The following CDH2 variants were observed in gnomAD, a reference collection of about 807,000 sequenced individuals.
The protein encoded by CDH2 is cadherin 2, also known as cadherin-2.
CDH2 carries 17 observed loss-of-function variants against 92.0 expected under a neutral mutation model. The ratio of observed to expected loss-of-function variants is 0.18; its 90% CI spans 0.13 to 0.28. The LOEUF (loss-of-function observed/expected upper bound fraction) is 0.28, where lower values mean the gene tolerates loss of function less well. CDH2 is among the 10% of genes least tolerant of loss of function. The pLI is 1.00. For synonymous variants in CDH2, 419 were observed against 415.9 expected (o/e 1.01, Z -0.09); for missense variants, 862 against 1,133.1 (o/e 0.76, Z 3.44).
chr18:28,150,141 G>T (rs1012817585), intron 1 of CDH2, among the ~76,000 whole-genome samples: 1 of 152,188 alleles, frequency 6.6e-6, no homozygotes, highest in South Asian at 2.1e-4. Context: ...CCACCAACAT[G>T]TTACGAGTCT....
chr18:27,998,808 CAG>C (rs2012670643), intron 7 of CDH2, among the ~76,000 whole-genome samples: 1 of 152,112 alleles, frequency 6.6e-6, no homozygotes, highest in Non-Finnish European at 1.5e-5. Flanking sequence ...TTAGTAGAGA[CAG>C]GGTTTCGCCA....
At position 28,171,716 on chromosome 18, in the gene CDH2, T is replaced by G. The variant is rs527369135; in HGVS notation, c.60+5247A>C. On this transcript the variant is annotated intron_variant, in intron 1 of 15. Coordinates refer to ENST00000269141, the MANE Select transcript of CDH2 (RefSeq NM_001792.5). The stretch of plus-strand genomic sequence containing the variant: ...CCACAACCTTCGAAAAGGAGATGTG[T>G]TTGAGATATTTTTTAAGTAGCCCCA... 5.1e-4 allele frequency among the ~76,000 whole-genome samples: 77 copies of G among 152,214 alleles called. 1 individual carries two copies. The highest frequency in any genetic ancestry group is 9.9e-4 in the Non-Finnish European group (67 of 68,012).
chr18:28,107,405 C>T (rs1459453671), intron 2 of CDH2, among the ~76,000 whole-genome samples: 1 of 151,930 alleles, frequency 6.6e-6, no homozygotes, highest in Non-Finnish European at 1.5e-5. Flanking sequence ...AAAATGGAAA[C>T]TGTTGAATCC....
At chr18:27,952,614 AG>A (rs918322282) in intron 15 of CDH2, among the ~76,000 whole-genome samples, 1 of 152,146 alleles carries the variant, frequency 6.6e-6, no homozygotes, top group African/African-American at 2.4e-5. Flanking sequence ...TTATGAAGGG[AG>A]GGGGTTAACT....
chr18:28,010,939 GT>G lies in CDH2; in HGVS notation c.546+906del, dbSNP rs71378905. On this transcript the variant is annotated intron_variant, in intron 4 of 15. Coordinates refer to ENST00000269141, the MANE Select transcript of CDH2 (RefSeq NM_001792.5). ...TGCTGGGATTACAGGTGCCCTGCCT[GT>G]TTTTTTTTTTTTTAAGTTAAAGCAA... Among the ~76,000 whole-genome samples, 634 of 139,738 alleles carry G rather than the reference GT, an allele frequency of 4.5e-3. 4 individuals are homozygous for G. Among genetic ancestry groups the G allele is most frequent in the African/African-American group, 0.011 (414 of 37,982 alleles). The allele number at this position is 139,738 out of a possible 152,430, so 91.7% of individuals were successfully genotyped here.
chr18:28,065,960 A>T (rs2014498177), intron 2 of CDH2, among the ~76,000 whole-genome samples: 1 of 152,180 alleles, frequency 6.6e-6, no homozygotes, highest in Non-Finnish European at 1.5e-5. Context: ...TCTGACAAAG[A>T]AAGCATCCTG....
At chr18:28,116,182 T>C (rs1263123950) in intron 2 of CDH2, among the ~76,000 whole-genome samples, 1 of 152,128 alleles carries the variant, frequency 6.6e-6, no homozygotes, top group African/African-American at 2.4e-5. Context: ...GTGCTGAGGT[T>C]GAAAAACCCT....
chr18:28,146,157 T>C (rs555585388), intron 2 of CDH2: 1 of 152,234 alleles, frequency 6.6e-6, no homozygotes, highest in East Asian at 1.9e-4. Flanking sequence ...TGTGTTTACT[T>C]TAAACAACAA....
At chr18:28,028,161 A>G (rs777518403) in intron 2 of CDH2, among the ~76,000 whole-genome samples, 2 of 152,118 alleles carry the variant, frequency 1.3e-5, no homozygotes, top group Non-Finnish European at 2.9e-5. Context: ...ACACTCTAAA[A>G]GAAAAAAAAA....
At chr18:28,041,881 A>C (rs2144107183) in intron 2 of CDH2, among the ~76,000 whole-genome samples, 1 of 152,308 alleles carries the variant, frequency 6.6e-6, no homozygotes, top group South Asian at 2.1e-4. Context: ...CAATTACCTA[A>C]GAATTTTACC....
Position 28,078,120 on chromosome 18 carries a change from T to G in CDH2, c.173-64211A>C, listed in dbSNP as rs143142863. Among the ~76,000 whole-genome samples, 4 of 152,192 alleles carry G rather than the reference T, an allele frequency of 2.6e-5. No homozygotes were observed. The East Asian group carries it at 7.8e-4, about 30-fold the overall frequency. ...TAAAATGTCCTTCATGCAGGACAGA[T>G]TACATTCCTTTTGCATTTCTGCTTG... On this transcript the variant is annotated intron_variant, in intron 2 of 15. Coordinates refer to ENST00000269141, the MANE Select transcript of CDH2 (RefSeq NM_001792.5).
intron 2 of CDH2, among the ~76,000 whole-genome samples, chr18:28,027,933 G>A (rs1177889459): frequency 6.6e-6 from 1 of 151,248 alleles, no homozygotes; most frequent in East Asian, 1.9e-4. Context: ...GAGTACAGGT[G>A]GCGTAGAAGC....
At chr18:27,942,898 A>G (rs1270810632) in intron 6 of CDH2, among the ~76,000 whole-genome samples, 1 of 152,108 alleles carries the variant, frequency 6.6e-6, no homozygotes, top group South Asian at 2.1e-4. Flanking sequence ...AACGCTAGGA[A>G]TGTGTCAGTC....
At chr18:28,123,567 T>G (rs1481104507) in intron 2 of CDH2, among the ~76,000 whole-genome samples, 1 of 152,148 alleles carries the variant, frequency 6.6e-6, no homozygotes, top group Non-Finnish European at 1.5e-5. Flanking sequence ...TCAGGCTTGT[T>G]TGGAGGGGGT....
intron 2 of CDH2, among the ~76,000 whole-genome samples, chr18:28,072,164 G>A (rs566167023): frequency 3.3e-5 from 5 of 151,808 alleles, no homozygotes; most frequent in South Asian, 2.1e-4. Context: ...TCCCATTTTC[G>A]TGCGTTTTCC....
intron 1 of CDH2, among the ~76,000 whole-genome samples, chr18:28,174,001 T>A (rs1476777734): frequency 6.6e-6 from 1 of 152,190 alleles, no homozygotes; most frequent in Non-Finnish European, 1.5e-5. Context: ...AAAATCTTGA[T>A]GTTGAACATC....
rs928874934 is a variant in CDH2, at chr18:27,985,642, T to C, written c.1861A>G (p.Ile621Val). Residue 621 changes from isoleucine (I) to valine (V), a missense_variant, in exon 12 of 16, where the codon ATT becomes GTT. Ile to Val is a conservative substitution (Grantham distance 29, BLOSUM62 3). Transcript: ENST00000269141. ...TCATAATCAAGTGCTGTAATATTAA[T>C]TGAATTGGGGTCTGGAGTTTCGCAA... The part of the protein sequence containing the change: ...ETCETPDPNS[I>V]NITALDYDID... 10 of 1,613,844 alleles carry C rather than the reference T, an allele frequency of 6.2e-6. No homozygotes were observed. In the Admixed American group the frequency reaches 6.7e-5, roughly 11 times the overall value.
At chr18:27,989,267 T>C (rs1209012186) in intron 10 of CDH2, among the ~76,000 whole-genome samples, 1 of 152,190 alleles carries the variant, frequency 6.6e-6, no homozygotes, top group Non-Finnish European at 1.5e-5. Flanking sequence ...AAATTCCTTT[T>C]TAAAATTTGG....
At chr18:28,110,036 T>A (rs950212058) in intron 2 of CDH2, among the ~76,000 whole-genome samples, 5 of 152,152 alleles carry the variant, frequency 3.3e-5, no homozygotes, top group African/African-American at 1.2e-4. Flanking sequence ...CAAGGCCATA[T>A]GGTGTCCTTT....
Sources: gnomAD v4.1 joint callset for allele counts (sites outside exome capture counted in the v4.1 genomes callset) on GRCh38, gnomAD v4.1.1 for gene constraint, MANE v1.5 for transcripts, NCBI Gene and HGNC (gene_info 2026-07-23, HGNC 2026-07-21) for gene names.